The following MGAM2 variants were observed in gnomAD, a reference collection of about 807,000 sequenced individuals.
The protein encoded by MGAM2 is probable maltase-glucoamylase 2.
In MGAM2, 98 loss-of-function variants were observed where a neutral mutation model predicts 96.1. The observed-to-expected ratio is 1.02, with a 90% CI of 0.87 to 1.21. The LOEUF is 1.21. MGAM2 is among the 50% of genes most tolerant of loss of function. The pLI, the probability that MGAM2 is intolerant of heterozygous loss-of-function variation, is 0.00. For synonymous variants in MGAM2, 749 were observed against 414.8 expected, an observed-to-expected ratio of 1.81 and a Z score of -9.79; for missense variants, 2,055 against 1,182.4, an observed-to-expected ratio of 1.74 and a Z score of -10.82.
Position 142,167,633 on chromosome 7 carries a change from C to A in MGAM2, c.3027+147C>A, listed in dbSNP as rs374857961. On this transcript the variant is annotated intron_variant, in intron 26 of 47. Transcript: ENST00000477922. ...TGACACCCAGGCTGGAATGCAGGGG[C>A]ACAATCTCAGGTCACTGTAACTTCC... 1.3e-4 allele frequency: 80 copies of A among 620,716 alleles called. 1 individual carries two copies. The African/African-American group carries it at 1.4e-3, about 11-fold the overall frequency. The allele number at this position is 620,716 out of a possible 1,614,324, so 38.5% of individuals were successfully genotyped here. A position where few individuals can be genotyped will look rare whatever the true frequency, so the allele number is the denominator to read the frequency against.
chr7:142,123,834 C>T (rs763513945), intron 3 of MGAM2, among the ~76,000 whole-genome samples: 21 of 152,010 alleles, frequency 1.4e-4, no homozygotes, highest in Admixed American at 3.9e-4. Context: ...TAATTCTTGC[C>T]TACTCCGAGG....
chr7:142,115,410 G>A (rs28545627), intron 1 of MGAM2, among the ~76,000 whole-genome samples: 59,476 of 152,038 alleles, frequency 0.39, 11,922 homozygotes, highest in South Asian at 0.47. Flanking sequence ...GATAGAGAGC[G>A]AGGAAGATGA....
chr7:142,188,113 C>CACACACACACAT (rs755809613), intron 36 of MGAM2, among the ~76,000 whole-genome samples: 1 of 38,970 alleles, frequency 2.6e-5, no homozygotes, highest in East Asian at 5.5e-4. Context: ...CCCTTAAACA[C>CACACACACACAT]ACACACACAC....
intron 14 of MGAM2, among the ~76,000 whole-genome samples, chr7:142,146,572 C>T (rs950471562): frequency 3.9e-5 from 6 of 152,038 alleles, no homozygotes; most frequent in Non-Finnish European, 8.8e-5. Context: ...AAGGTAGATA[C>T]GGCCCCAGTG....
intron 34 of MGAM2, among the ~76,000 whole-genome samples, chr7:142,185,448 G>A (rs1026206593): frequency 2.0e-5 from 3 of 152,162 alleles, no homozygotes; most frequent in Non-Finnish European, 4.4e-5. Context: ...TCTCACTAGA[G>A]GGGAATCCAT....
At chr7:142,172,519 G>T in intron 29 of MGAM2, 133 bp from the exon 30 acceptor site, 1 of 574,802 alleles carries the variant, frequency 1.7e-6, no homozygotes, top group South Asian at 2.2e-5. Context: ...GATTCTAATG[G>T]ATGAGAGAAG....
intron 12 of MGAM2, 139 bp from the exon 13 acceptor site, chr7:142,143,630 T>A: frequency 2.2e-6 from 1 of 449,296 alleles, no homozygotes; most frequent in South Asian, 6.1e-5. Context: ...CATTTTATTG[T>A]TTAGTTTTTG....
chr7:142,170,599 T>TA (rs1457067151), intron 27 of MGAM2, among the ~76,000 whole-genome samples: 1 of 152,160 alleles, frequency 6.6e-6, no homozygotes, highest in Non-Finnish European at 1.5e-5. Flanking sequence ...GGGCAAAGGT[T>TA]AAAAAGGAGA....
chr7:142,144,183 C>G (rs1384729203), intron 13 of MGAM2, among the ~76,000 whole-genome samples: 1 of 152,032 alleles, frequency 6.6e-6, no homozygotes, highest in Non-Finnish European at 1.5e-5. Flanking sequence ...ATTATAATTG[C>G]TACTATTTGT....
At chr7:142,150,807 A>C (rs761405515) in intron 15 of MGAM2, among the ~76,000 whole-genome samples, 1 of 152,182 alleles carries the variant, frequency 6.6e-6, no homozygotes, top group Non-Finnish European at 1.5e-5. Flanking sequence ...AAGGTACTTT[A>C]TAATCGAACC....
At chr7:142,149,689 T>A (rs1007168214) in intron 15 of MGAM2, among the ~76,000 whole-genome samples, 1 of 151,764 alleles carries the variant, frequency 6.6e-6, no homozygotes, top group Non-Finnish European at 1.5e-5. Flanking sequence ...TACAGGCAGC[T>A]GCCACCACGC....
At position 142,221,768 on chromosome 7, in the gene MGAM2, T is replaced by C. The variant is rs1797938094; in HGVS notation, c.7257T>C (p.Thr2419=). ...CTAATCTAGGCACCATGGATATTAC[T>C]GATGCAGATAACTCCAGCAGTGTTA... ...NLSNLGTMDI[T]DADNSSSVTG... is the part of the protein sequence containing the mutation. The change falls in exon 48 of 48, where the codon ACT becomes ACC. Residue 2419 remains threonine, a synonymous_variant. Coordinates refer to ENST00000477922, the MANE Select transcript of MGAM2 (RefSeq NM_001293626.2). 4 of 405,348 alleles carry C rather than the reference T, an allele frequency of 9.9e-6. No individual in the cohort carries two copies. In the East Asian group the frequency reaches 1.4e-4, roughly 14 times the overall value. 25.1% of individuals were successfully genotyped at this position (405,348 alleles called of 1,614,324 possible). A position where few individuals can be genotyped will look rare whatever the true frequency, so the allele number is the denominator to read the frequency against.
chr7:142,197,887 C>T (rs984985201), intron 42 of MGAM2, among the ~76,000 whole-genome samples, 159 bp downstream of exon 42: 1 of 152,106 alleles, frequency 6.6e-6, no homozygotes, highest in Non-Finnish European at 1.5e-5. Flanking sequence ...TTTAAAAGAT[C>T]TCTCTGTTAA....
At chr7:142,199,119 T>G (rs1797142296) in intron 44 of MGAM2, among the ~76,000 whole-genome samples, 1 of 152,216 alleles carries the variant, frequency 6.6e-6, no homozygotes, top group Non-Finnish European at 1.5e-5. Context: ...GAACTTAATG[T>G]TCATTCCTAG....
At chr7:142,149,759 T>C (rs1045804073) in intron 15 of MGAM2, among the ~76,000 whole-genome samples, 9 of 151,858 alleles carry the variant, frequency 5.9e-5, no homozygotes, top group African/African-American at 1.9e-4. Flanking sequence ...GCCAGGATGG[T>C]CTCCATCTCC....
At chr7:142,160,309 C>G (rs978614496) in intron 21 of MGAM2, 51 bp downstream of exon 21, 2 of 615,994 alleles carry the variant, frequency 3.2e-6, no homozygotes, top group African/African-American at 3.7e-5. Flanking sequence ...TCTAATGGAG[C>G]AGGGCATTAT....
intron 12 of MGAM2, among the ~76,000 whole-genome samples, chr7:142,141,539 C>T (rs551997035): frequency 1.2e-4 from 18 of 152,068 alleles, no homozygotes; most frequent in African/African-American, 4.1e-4. Flanking sequence ...TCACTTTTGT[C>T]ACCCTGGCTG....
chr7:142,187,731 T>C lies in MGAM2; in HGVS notation c.4123-19T>C, dbSNP rs1796743031. On this transcript the variant is annotated intron_variant, in intron 35 of 47. Coordinates refer to ENST00000477922, the MANE Select transcript of MGAM2 (RefSeq NM_001293626.2). ...CTGCCCCTGACATGACGAGATCTTTTTTTGTTAACTCATTTCAGGATATGA... is the reference window on the plus strand; with the variant it reads ...CTGCCCCTGACATGACGAGATCTTTCTTTGTTAACTCATTTCAGGATATGA... The C allele has an allele frequency of 1.4e-6, 1 of 702,096 alleles. No homozygotes were observed. The highest frequency in any genetic ancestry group is 1.5e-5 in the South Asian group (1 of 67,500). The allele number at this position is 702,096 out of a possible 1,614,324, so 43.5% of individuals were successfully genotyped here.
intron 45 of MGAM2, among the ~76,000 whole-genome samples, chr7:142,203,317 T>C (rs185282411): frequency 1.6e-4 from 25 of 152,294 alleles, no homozygotes; most frequent in Non-Finnish European, 3.1e-4. Flanking sequence ...TTGTTGTAAT[T>C]GCTTTTGGGG....
Sources: allele counts gnomAD v4.1 joint callset (sites outside exome capture counted in the v4.1 genomes callset), GRCh38; gene constraint gnomAD v4.1.1; transcripts MANE v1.5; gene names NCBI Gene and HGNC (gene_info 2026-07-23, HGNC 2026-07-21).